The following C12orf54 variants were observed in gnomAD, a reference collection of about 807,000 sequenced individuals.
C12orf54 encodes chromosome 12 open reading frame 54, also known as uncharacterized protein C12orf54.
Under a neutral mutation model 26.4 loss-of-function variants are expected in C12orf54, and 24 were observed. That is an observed-to-expected ratio of 0.91 (90% CI 0.66 to 1.28). The LOEUF (loss-of-function observed/expected upper bound fraction) is 1.28. C12orf54 is among the 50% of genes most tolerant of loss of function. The pLI is 0.00. For synonymous variants in C12orf54, 54 were observed against 47.0 expected, an observed-to-expected ratio of 1.15 and a Z score of -0.61; for missense variants, 154 against 150.9, an observed-to-expected ratio of 1.02 and a Z score of -0.11.
chr12:48,447,141 C>T, the C12orf54 span, among the ~76,000 whole-genome samples: 13 of 151,998 alleles, frequency 8.6e-5, no homozygotes, highest in African/African-American at 2.7e-4. Flanking sequence ...TGTCTTCTTG[C>T]TACAAGTCTA....
At chr12:48,477,219 G>C in the C12orf54 span, among the ~76,000 whole-genome samples, 22,384 of 151,924 alleles carry the variant, frequency 0.15, 2,844 homozygotes, top group East Asian at 0.66. Flanking sequence ...ACACAACATA[G>C]CAGAATCTCT....
At chr12:48,475,749 A>G in the C12orf54 span, among the ~76,000 whole-genome samples, 1 of 152,226 alleles carries the variant, frequency 6.6e-6, no homozygotes, top group Non-Finnish European at 1.5e-5. Context: ...GACTATGTGA[A>G]AAGACGAAAT....
In C12orf54 at chr12:48,483,314, C is replaced by A. The variant is rs773030339; in HGVS notation, c.18C>A (p.Cys6Ter). 7 of 1,613,898 alleles carry A rather than the reference C, an allele frequency of 4.3e-6. No homozygotes were observed. Among genetic ancestry groups the A allele is most frequent in the Non-Finnish European group, 5.9e-6 (7 of 1,179,908 alleles). MAQHP[C>*]QDQEQKVEMT... ...GAGAACAAATGGCACAGCATCCCTG[C>A]CAGGATCAGGAACAAAAGGTAGAAA... The change falls in exon 2 of 9, where the codon TGC becomes TGA. Residue 6 changes from cysteine to a stop codon, truncating the protein, a stop_gained. Coordinates refer to ENST00000548364, the MANE Select transcript of C12orf54 (RefSeq NM_152319.4). LOFTEE classifies it high-confidence loss of function.
intron 7 of C12orf54, among the ~76,000 whole-genome samples, chr12:48,494,083 G>GT (rs1565573733): frequency 1.9e-5 from 2 of 104,748 alleles, no homozygotes; most frequent in African/African-American, 3.7e-5. Flanking sequence ...GCTGGGCGTG[G>GT]TGGCAGGTGC....
At chr12:48,443,585 G>A in the C12orf54 span, among the ~76,000 whole-genome samples, 19 of 152,302 alleles carry the variant, frequency 1.2e-4, no homozygotes, top group African/African-American at 4.6e-4. Context: ...AAGTGATCAT[G>A]AGAAACTGTT....
At chr12:48,421,089 T>G in the C12orf54 span, among the ~76,000 whole-genome samples, 1 of 152,192 alleles carries the variant, frequency 6.6e-6, no homozygotes, top group African/African-American at 2.4e-5. Context: ...TCCTTTTGTC[T>G]GTATGTCATA....
At chr12:48,483,385 C>G in intron 2 of C12orf54, 24 bp downstream of exon 2, 2 of 1,606,948 alleles carry the variant, frequency 1.2e-6, no homozygotes, top group African/African-American at 2.7e-5. Context: ...TGATGACCCT[C>G]AAACATCCTT....
chr12:48,488,869 G>T (rs1163730682), intron 4 of C12orf54, 55 bp from the exon 5 acceptor site: 3 of 1,437,692 alleles, frequency 2.1e-6, no homozygotes, highest in South Asian at 1.2e-5. Flanking sequence ...AAATCCCTCT[G>T]TAATAAAGTG....
chr12:48,486,876 G>T, intron 4 of C12orf54, 150 bp downstream of exon 4: 1 of 760,220 alleles, frequency 1.3e-6, no homozygotes, highest in Middle Eastern at 3.3e-4. Context: ...TTGTTCTGTT[G>T]CTCGTGCAGT....
the C12orf54 span, among the ~76,000 whole-genome samples, chr12:48,445,611 C>A: frequency 6.6e-6 from 1 of 152,114 alleles, no homozygotes; most frequent in African/African-American, 2.4e-5. Context: ...AGGTTTCTGG[C>A]ATAATGCGGG....
upstream of C12orf54, among the ~76,000 whole-genome samples, chr12:48,480,217 A>G (rs192292862): frequency 2.9e-4 from 44 of 152,154 alleles, no homozygotes; most frequent in African/African-American, 1.0e-3. Flanking sequence ...TATGGTTGAA[A>G]CTCAGGAATG....
chr12:48,486,552 C>T, intron 3 of C12orf54, 136 bp from the exon 4 acceptor site: 1 of 894,904 alleles, frequency 1.1e-6, no homozygotes, highest in South Asian at 1.6e-5. Context: ...TTTTGGCTGC[C>T]TGAGAAATGG....
intron 8 of C12orf54, 53 bp downstream of exon 8, chr12:48,495,032 A>T (rs1937882007): frequency 7.2e-7 from 1 of 1,397,318 alleles, no homozygotes; most frequent in Non-Finnish European, 9.9e-7. Context: ...CATCTGTGGT[A>T]GTCAGGAACC....
the C12orf54 span, among the ~76,000 whole-genome samples, chr12:48,433,836 C>G: frequency 6.6e-6 from 1 of 152,170 alleles, no homozygotes; most frequent in South Asian, 2.1e-4. Flanking sequence ...CCAGCGTGAG[C>G]AATGCAGAAG....
chr12:48,432,442 C>T, the C12orf54 span, among the ~76,000 whole-genome samples: 3 of 152,290 alleles, frequency 2.0e-5, no homozygotes, highest in Non-Finnish European at 4.4e-5. Flanking sequence ...CTCTTAATAA[C>T]TTAAAGATAT....
the C12orf54 span, among the ~76,000 whole-genome samples, chr12:48,421,631 G>A: frequency 7.1e-6 from 1 of 140,832 alleles, no homozygotes; most frequent in Non-Finnish European, 1.5e-5. Context: ...CCCAGTTCAA[G>A]CGATTATCCT....
chr12:48,477,717 T>C (rs1565568073), upstream of C12orf54, among the ~76,000 whole-genome samples: 1 of 152,200 alleles, frequency 6.6e-6, no homozygotes, highest in African/African-American at 2.4e-5. Flanking sequence ...AATCTCTGAC[T>C]AGACCAATAA....
the C12orf54 span, among the ~76,000 whole-genome samples, chr12:48,453,008 T>C: frequency 6.6e-6 from 1 of 152,136 alleles, no homozygotes; most frequent in South Asian, 2.1e-4. Flanking sequence ...CAAAGGGATA[T>C]AAATCATTCT....
chr12:48,472,607 C>T, the C12orf54 span: 71 of 1,599,926 alleles, frequency 4.4e-5, no homozygotes, highest in South Asian at 1.8e-4. Flanking sequence ...GTTGTGGGTT[C>T]GGGGTTTATT....
Sources: gnomAD v4.1 joint callset for allele counts (sites outside exome capture counted in the v4.1 genomes callset) on GRCh38, gnomAD v4.1.1 for gene constraint, MANE v1.5 for transcripts, NCBI Gene and HGNC (gene_info 2026-07-23, HGNC 2026-07-21) for gene names.